EPHB1: variants seen among roughly 807,000 people sequenced by gnomAD.
The protein encoded by EPHB1 is EPH receptor B1.
A neutral mutation model predicts 94.4 loss-of-function variants in EPHB1; 30 were observed. The ratio of observed to expected loss-of-function variants is 0.32; its 90% CI spans 0.24 to 0.43. EPHB1 has a LOEUF of 0.43. Among genes scored for constraint, EPHB1 ranks in the 20% least tolerant of loss-of-function variants. The probability of loss-of-function intolerance (pLI) is 1.00; values close to 1 mark genes in which losing one functional copy is unlikely to be tolerated. For missense variants in EPHB1, 1,055 were observed against 1,308.3 expected (o/e 0.81, Z 2.99); for synonymous variants, 522 against 489.1 (o/e 1.07, Z -0.89).
intron 1 of EPHB1, among the ~76,000 whole-genome samples, chr3:134,798,815 A>G (rs2035880756): frequency 2.6e-5 from 4 of 152,156 alleles, no homozygotes; most frequent in Non-Finnish European, 5.9e-5. Context: ...TAGGATCTGG[A>G]AAGCACATTG....
In EPHB1 at chr3:134,843,921, TTCTTG is replaced by T. The variant is rs539912757; in HGVS notation, c.58+48233_58+48237del. On this transcript the variant is annotated intron_variant, in intron 1 of 15. Transcript: ENST00000398015. ...AGATAGTTTCTATTGATTGCTTTCT[TTCTTG>T]AGTATGAATTATGCTTTCTTGTTTC... 2.1e-3 allele frequency among the ~76,000 whole-genome samples: 315 copies of T among 152,336 alleles called. 2 individuals carry two copies. The highest frequency in any genetic ancestry group is 7.0e-3 in the African/African-American group (293 of 41,582).
intron 4 of EPHB1, among the ~76,000 whole-genome samples, chr3:135,113,110 A>T (rs954563561): frequency 1.3e-5 from 2 of 152,218 alleles, no homozygotes; most frequent in African/African-American, 4.8e-5. Context: ...CAAAGGTCAA[A>T]GATCAATAAG....
At chr3:134,968,843 G>A (rs1277099167) in intron 3 of EPHB1, among the ~76,000 whole-genome samples, 3 of 152,146 alleles carry the variant, frequency 2.0e-5, no homozygotes, top group Non-Finnish European at 4.4e-5. Flanking sequence ...CTTTCACTCA[G>A]CATAATGCCT....
chr3:135,096,390 A>G (rs1938762777), intron 3 of EPHB1, among the ~76,000 whole-genome samples: 1 of 152,208 alleles, frequency 6.6e-6, no homozygotes, highest in Non-Finnish European at 1.5e-5. Flanking sequence ...CTAGAGCTAT[A>G]CCAGAATCGC....
At chr3:135,251,424 C>T (rs1465535281) in intron 15 of EPHB1, among the ~76,000 whole-genome samples, 1 of 152,010 alleles carries the variant, frequency 6.6e-6, no homozygotes, top group East Asian at 1.9e-4. Flanking sequence ...ACGTAATCCC[C>T]CAGGATCTAA....
chr3:134,935,777 C>T (rs1010815280), intron 2 of EPHB1, among the ~76,000 whole-genome samples: 1 of 152,102 alleles, frequency 6.6e-6, no homozygotes, highest in Non-Finnish European at 1.5e-5. Context: ...GTGATTCTTA[C>T]ATGAACAATG....
chr3:135,257,937 C>T (rs181867150), intron 15 of EPHB1, among the ~76,000 whole-genome samples: 20 of 152,274 alleles, frequency 1.3e-4, no homozygotes, highest in East Asian at 7.7e-4. Context: ...TTAAGCCTGT[C>T]GGAAAAGTGC....
At chr3:135,189,221 C>T (rs115975153) in intron 10 of EPHB1, among the ~76,000 whole-genome samples, 2 of 152,176 alleles carry the variant, frequency 1.3e-5, no homozygotes, top group Non-Finnish European at 2.9e-5. Flanking sequence ...TGTGCCAGGA[C>T]CTGTGCTGTA....
At chr3:135,249,027 G>C (rs1170967153) in intron 14 of EPHB1, among the ~76,000 whole-genome samples, 2 of 152,118 alleles carry the variant, frequency 1.3e-5, no homozygotes, top group East Asian at 3.8e-4. Flanking sequence ...GAATGGTGAG[G>C]CTCCTAAATT....
chr3:135,122,191 A>G (rs573304572), intron 4 of EPHB1, among the ~76,000 whole-genome samples: 2 of 152,292 alleles, frequency 1.3e-5, no homozygotes, highest in African/African-American at 4.8e-5. Context: ...GAGGGTCTCA[A>G]TAAACACAGA....
intron 3 of EPHB1, among the ~76,000 whole-genome samples, chr3:135,104,481 C>A (rs1939140070): frequency 6.6e-6 from 1 of 152,100 alleles, no homozygotes; most frequent in African/African-American, 2.4e-5. Flanking sequence ...TGAGATGAGT[C>A]AGGAAGTGGT....
Position 135,259,080 on chromosome 3 carries a change from T to C in EPHB1, c.2915T>C (p.Met972Thr). 2 of 1,610,720 alleles carry C rather than the reference T, an allele frequency of 1.2e-6. No homozygotes were observed. Among genetic ancestry groups the C allele is most frequent in the Non-Finnish European group, 1.7e-6 (2 of 1,178,674 alleles). ...QKKILNSIHS[M>T]RVQISQSPTA... ...AAGATCCTGAACAGCATTCATTCTATGAGGGTCCAGATAAGTCAGTCACCA... is the reference window on the plus strand; with the variant it reads ...AAGATCCTGAACAGCATTCATTCTACGAGGGTCCAGATAAGTCAGTCACCA... The change falls in exon 16 of 16, where the codon ATG becomes ACG. Residue 972 changes from methionine (M) to threonine (T), a missense_variant. Transcript: ENST00000398015.
intron 3 of EPHB1, among the ~76,000 whole-genome samples, chr3:134,974,181 C>T (rs1481858430): frequency 2.0e-5 from 3 of 152,168 alleles, no homozygotes. Flanking sequence ...ATCCAAGACT[C>T]AGTCACAGGT....
At chr3:134,962,135 C>A (rs1933542904) in intron 3 of EPHB1, among the ~76,000 whole-genome samples, 1 of 152,172 alleles carries the variant, frequency 6.6e-6, no homozygotes, top group African/African-American at 2.4e-5. Context: ...ATACCTTTGC[C>A]AAGATAATAA....
intron 11 of EPHB1, among the ~76,000 whole-genome samples, chr3:135,194,298 A>G (rs748763454): frequency 3.3e-5 from 5 of 152,214 alleles, no homozygotes; most frequent in Non-Finnish European, 7.3e-5. Flanking sequence ...GCTAGTACCC[A>G]AAGCTTCTAG....
intron 3 of EPHB1, among the ~76,000 whole-genome samples, chr3:135,083,207 T>C (rs977046960): frequency 1.1e-4 from 16 of 152,084 alleles, no homozygotes; most frequent in Admixed American, 7.9e-4. Flanking sequence ...GGCATTGGGC[T>C]CCATTGTGAA....
chr3:135,179,973 A>T lies in EPHB1; in HGVS notation c.1873A>T (p.Ile625Phe). 1 of 1,613,880 alleles carries T rather than the reference A, an allele frequency of 6.2e-7. No homozygotes were observed. Among genetic ancestry groups the T allele is most frequent in the Non-Finnish European group, 8.5e-7 (1 of 1,179,778 alleles). Reference sequence around the variant, plus strand: ...ATCTTTTGTGAAAATTGAAGAGGTCATCGGAGCAGGTATGGCTCTTCCCTG... The same window carrying T: ...ATCTTTTGTGAAAATTGAAGAGGTCTTCGGAGCAGGTATGGCTCTTCCCTG... Reference protein sequence around the residue: ...DVSFVKIEEVIGAGEFGEVYK... With the variant: ...DVSFVKIEEVFGAGEFGEVYK... Residue 625 changes from isoleucine (I) to phenylalanine (F), a missense_variant, in exon 10 of 16, where the codon ATC becomes TTC. By Grantham distance (21) the Ile-to-Phe change is conservative. Coordinates refer to ENST00000398015, the MANE Select transcript of EPHB1 (RefSeq NM_004441.5).
At chr3:135,231,176 A>T (rs1429317144) in intron 12 of EPHB1, among the ~76,000 whole-genome samples, 2 of 152,208 alleles carry the variant, frequency 1.3e-5, no homozygotes, top group Non-Finnish European at 2.9e-5. Context: ...GAATGAAGGC[A>T]GCTAGTTAAT....
In EPHB1 at chr3:134,868,999, T is replaced by G. The variant is rs141965921; in HGVS notation, c.59-56817T>G. 3.9e-5 allele frequency among the ~76,000 whole-genome samples: 6 copies of G among 152,372 alleles called. No individual in the cohort carries two copies. In the East Asian group the frequency reaches 9.7e-4, roughly 25 times the overall value. On this transcript the variant is annotated intron_variant, in intron 1 of 15. Coordinates refer to ENST00000398015, the MANE Select transcript of EPHB1 (RefSeq NM_004441.5). ...ATTGGATTCAAATCCTATCTCTGCCTCTTACAAGTTTTGTGGCCTTGGGCA... is the reference window on the plus strand; with the variant it reads ...ATTGGATTCAAATCCTATCTCTGCCGCTTACAAGTTTTGTGGCCTTGGGCA...
Sources: gnomAD v4.1 joint callset for allele counts (sites outside exome capture counted in the v4.1 genomes callset) on GRCh38, gnomAD v4.1.1 for gene constraint, MANE v1.5 for transcripts, NCBI Gene and HGNC (gene_info 2026-07-23, HGNC 2026-07-21) for gene names.